SHC3: variants seen among roughly 807,000 people sequenced by gnomAD.
The protein encoded by SHC3 is SHC adaptor protein 3, also known as SHC-transforming protein 3.
In SHC3, 15 loss-of-function variants were observed where a neutral mutation model predicts 60.4. The ratio of observed to expected loss-of-function variants is 0.25; its 90% CI spans 0.17 to 0.38. SHC3 has a LOEUF of 0.38. Ranked by LOEUF, SHC3 falls within the 10% of genes least tolerant of loss-of-function variation. The probability of loss-of-function intolerance (pLI) is 1.00; values close to 1 mark genes in which losing one functional copy is unlikely to be tolerated. For missense variants in SHC3, 677 were observed against 786.1 expected (o/e 0.86, Z 1.66); for synonymous variants, 294 against 325.9 (o/e 0.90, Z 1.05).
intron 11 of SHC3, among the ~76,000 whole-genome samples, chr9:89,017,267 C>G (rs1826113114): frequency 6.6e-6 from 1 of 152,276 alleles, no homozygotes; most frequent in African/African-American, 2.4e-5. Flanking sequence ...GCTACAGTAA[C>G]CAAAACAGCA....
At chr9:89,132,667 C>A (rs1587744946) in intron 1 of SHC3, among the ~76,000 whole-genome samples, 1 of 152,142 alleles carries the variant, frequency 6.6e-6, no homozygotes. Context: ...GGAAAGGATT[C>A]CCTATTTAAT....
At chr9:89,064,531 T>G (rs894044717) in intron 6 of SHC3, among the ~76,000 whole-genome samples, 1 of 152,176 alleles carries the variant, frequency 6.6e-6, no homozygotes, top group Non-Finnish European at 1.5e-5. Context: ...CCTTATTTCC[T>G]AGCTTTGGCG....
At chr9:89,102,966 A>G (rs984411344) in intron 2 of SHC3, among the ~76,000 whole-genome samples, 6 of 152,144 alleles carry the variant, frequency 3.9e-5, no homozygotes, top group Non-Finnish European at 7.4e-5. Context: ...GTGGCTCAAT[A>G]TTTAGCCTGG....
At chr9:89,161,235 A>G (rs1826701296) in intron 1 of SHC3, among the ~76,000 whole-genome samples, 1 of 152,088 alleles carries the variant, frequency 6.6e-6, no homozygotes, top group Admixed American at 6.6e-5. Flanking sequence ...CACCCCCTTC[A>G]TGCATCCCCA....
Position 89,038,039 on chromosome 9 carries a change from T to C in SHC3, c.1610A>G (p.His537Arg), listed in dbSNP as rs769994093. The change falls in exon 11 of 12, where the codon CAC becomes CGC. Residue 537 changes from histidine to arginine, a missense_variant. Transcript: ENST00000375835. ...CAGCAGGTGCTTGGCCTGGCCATTG[T>C]GCATGCCCGTGAGGACAAAGGAGCC... The part of the protein sequence containing the change: ...NPGSFVLTGM[H>R]NGQAKHLLLV... 2 of 1,613,218 alleles carry C rather than the reference T, an allele frequency of 1.2e-6. No homozygotes were observed. Among genetic ancestry groups the C allele is most frequent in the East Asian group, 2.2e-5 (1 of 44,880 alleles).
In SHC3 at chr9:89,161,028, T is replaced by G. The variant is rs188363749; in HGVS notation, c.474+16959A>C. ...CCCAGTGCCCTGCAGCTGCTCCCAT[T>G]CCTCTGTCGTCTGTCGCATATGAAG... On this transcript the variant is annotated intron_variant, in intron 1 of 11. Transcript: ENST00000375835. 2.2e-4 allele frequency among the ~76,000 whole-genome samples: 33 copies of G among 152,310 alleles called. 1 individual carries two copies. The highest frequency in any genetic ancestry group is 5.9e-5 in the Non-Finnish European group (4 of 68,018).
At chr9:89,037,113 G>A (rs535519745) in intron 11 of SHC3, among the ~76,000 whole-genome samples, 1 of 152,300 alleles carries the variant, frequency 6.6e-6, no homozygotes, top group South Asian at 2.1e-4. Context: ...ATTGTTCAGA[G>A]TGCCAGGAGC....
intron 4 of SHC3, among the ~76,000 whole-genome samples, chr9:89,074,060 T>C (rs1189312117): frequency 6.6e-6 from 1 of 152,246 alleles, no homozygotes; most frequent in East Asian, 1.9e-4. Context: ...TATCTAGTTA[T>C]GTTAACACAA....
chr9:89,084,090 T>C (rs1292524724), intron 2 of SHC3, among the ~76,000 whole-genome samples: 3 of 152,198 alleles, frequency 2.0e-5, no homozygotes, highest in African/African-American at 4.8e-5. Flanking sequence ...TAAAAAGTCA[T>C]TTGACCAAGA....
At chr9:89,158,572 G>A (rs570157374) in intron 1 of SHC3, among the ~76,000 whole-genome samples, 3 of 152,166 alleles carry the variant, frequency 2.0e-5, no homozygotes, top group African/African-American at 7.2e-5. Flanking sequence ...CCATCCTTGC[G>A]ATTTTCTGTC....
At chr9:89,060,273 GGAGGACAGTGGCA>G (rs1364495453) in intron 6 of SHC3, among the ~76,000 whole-genome samples, 2 of 151,052 alleles carry the variant, frequency 1.3e-5, no homozygotes, top group Non-Finnish European at 3.0e-5. Context: ...AGGACATGGT[GGAGGACAGTGGCA>G]GAGGACAGTG....
At chr9:89,154,520 C>T (rs1207545190) in intron 1 of SHC3, among the ~76,000 whole-genome samples, 1 of 152,182 alleles carries the variant, frequency 6.6e-6, no homozygotes, top group East Asian at 1.9e-4. Flanking sequence ...GTTTTCCAAC[C>T]TCCTTTTCCA....
At chr9:89,148,625 G>T (rs761601961) in intron 1 of SHC3, among the ~76,000 whole-genome samples, 1 of 152,152 alleles carries the variant, frequency 6.6e-6, no homozygotes, top group Non-Finnish European at 1.5e-5. Context: ...TGAATCACAG[G>T]TTATATAAGA....
At chr9:89,139,667 G>A (rs1293591606) in intron 1 of SHC3, among the ~76,000 whole-genome samples, 1 of 152,236 alleles carries the variant, frequency 6.6e-6, no homozygotes, top group African/African-American at 2.4e-5. Flanking sequence ...AGAGACTGCT[G>A]TAGACTAGGC....
chr9:89,132,828 C>T (rs1489765987), intron 1 of SHC3, among the ~76,000 whole-genome samples: 1 of 152,146 alleles, frequency 6.6e-6, no homozygotes, highest in East Asian at 1.9e-4. Flanking sequence ...CTAAGCAATA[C>T]CATTCAGGAC....
intron 7 of SHC3, among the ~76,000 whole-genome samples, chr9:89,047,907 A>C (rs1824799163): frequency 6.6e-6 from 1 of 152,218 alleles, no homozygotes; most frequent in Admixed American, 6.5e-5. Flanking sequence ...ACATATGTCC[A>C]TAAGGAAACT....
At chr9:89,147,767 T>C (rs950383388) in intron 1 of SHC3, among the ~76,000 whole-genome samples, 4 of 151,838 alleles carry the variant, frequency 2.6e-5, no homozygotes. Context: ...AATCTAAAGC[T>C]TTAAGGCTCT....
intron 11 of SHC3, among the ~76,000 whole-genome samples, chr9:89,031,449 T>C (rs1824491065): frequency 6.6e-6 from 1 of 152,218 alleles, no homozygotes; most frequent in Non-Finnish European, 1.5e-5. Flanking sequence ...TTTCGGTCTC[T>C]GTAGATTTTT....
chr9:89,121,434 G>T (rs1049169260), intron 1 of SHC3, among the ~76,000 whole-genome samples: 12 of 152,132 alleles, frequency 7.9e-5, no homozygotes, highest in Non-Finnish European at 1.8e-4. Flanking sequence ...GGGATTACAG[G>T]TATGCACCAC....
Sources: allele counts gnomAD v4.1 joint callset (sites outside exome capture counted in the v4.1 genomes callset), GRCh38; gene constraint gnomAD v4.1.1; transcripts MANE v1.5; gene names NCBI Gene and HGNC (gene_info 2026-07-23, HGNC 2026-07-21).